The following HMGB1 variants were observed in gnomAD, a reference collection of about 807,000 sequenced individuals.
The protein encoded by HMGB1 is high mobility group protein B1.
For missense variants in HMGB1, 79 were observed against 253.5 expected (o/e 0.31, Z 4.67); for synonymous variants, 81 against 84.0 (o/e 0.96, Z 0.19).
At chr13:30,465,137 G>A in intron 1 of HMGB1, 2 of 966,858 alleles carry the variant, frequency 2.1e-6, no homozygotes, top group Non-Finnish European at 2.4e-6. Context: ...CAGCAGCGCC[G>A]GGCCCGAGTC....
At chr13:30,482,344 T>C (rs1288902420) in intron 1 of HMGB1, among the ~76,000 whole-genome samples, 2 of 152,192 alleles carry the variant, frequency 1.3e-5, no homozygotes, top group Non-Finnish European at 2.9e-5. Flanking sequence ...GAGATCAAGA[T>C]GGTAAAGACC....
chr13:30,481,636 G>C (rs764332557), intron 1 of HMGB1, among the ~76,000 whole-genome samples: 1 of 152,204 alleles, frequency 6.6e-6, no homozygotes, highest in Non-Finnish European at 1.5e-5. Context: ...GGCAAAATCA[G>C]TGGATGGGAC....
intron 1 of HMGB1, among the ~76,000 whole-genome samples, chr13:30,534,791 G>T (rs1379426113): frequency 6.6e-6 from 1 of 152,014 alleles, no homozygotes; most frequent in Non-Finnish European, 1.5e-5. Context: ...TGGCTAGGCT[G>T]GTCTTGAACT....
intron 1 of HMGB1, among the ~76,000 whole-genome samples, chr13:30,515,566 G>A (rs1593285623): frequency 6.6e-6 from 1 of 151,686 alleles, no homozygotes; most frequent in South Asian, 2.1e-4. Flanking sequence ...TTATCTTATC[G>A]CCAGTAAGGT....
chr13:30,553,017 TTAAGGCCTG>T (rs763722930), intron 1 of HMGB1, among the ~76,000 whole-genome samples: 18 of 152,148 alleles, frequency 1.2e-4, no homozygotes, highest in Non-Finnish European at 1.6e-4. Flanking sequence ...TGCAGGACAG[TTAAGGCCTG>T]TAAGCTTGCC....
Position 30,515,686 on chromosome 13 carries a change from T to TAA in HMGB1, c.-14-51994_-14-51993dup, listed in dbSNP as rs537265855. Among the ~76,000 whole-genome samples the TAA allele has an allele frequency of 4.0e-4, 46 of 114,296 alleles. No homozygotes were observed. The East Asian group carries it at 5.0e-3, about 12-fold the overall frequency. 75.0% of individuals were successfully genotyped at this position (114,296 alleles called of 152,430 possible). A position where few individuals can be genotyped will look rare whatever the true frequency, so the allele number is the denominator to read the frequency against. ...GCTCATTTTATATTTATTGAATTGC[T>TAA]AAAAAAAAAAAAAAAAGCCCACATT... On this transcript the variant is annotated intron_variant, in intron 1 of 4. Transcript: ENST00000405805.
intron 1 of HMGB1, among the ~76,000 whole-genome samples, chr13:30,573,555 T>C (rs1870520362): frequency 6.6e-6 from 1 of 151,896 alleles, no homozygotes; most frequent in Admixed American, 6.6e-5. Flanking sequence ...ATATAATTTG[T>C]AAAAAATTGG....
At chr13:30,554,657 T>G in intron 1 of HMGB1, 2 of 771,968 alleles carry the variant, frequency 2.6e-6, no homozygotes, top group South Asian at 1.3e-5. Context: ...AGGTGACCGA[T>G]GTACAGTAAA....
intron 1 of HMGB1, among the ~76,000 whole-genome samples, chr13:30,524,813 T>A (rs1310120630): frequency 6.6e-6 from 1 of 152,208 alleles, no homozygotes; most frequent in Non-Finnish European, 1.5e-5. Flanking sequence ...CTGCAGTTTA[T>A]ACACTTGAAA....
At chr13:30,582,908 T>G (rs979178651) in intron 1 of HMGB1, among the ~76,000 whole-genome samples, 13 of 152,136 alleles carry the variant, frequency 8.5e-5, no homozygotes, top group African/African-American at 2.9e-4. Flanking sequence ...CTAACACATA[T>G]CCTACTATCT....
At chr13:30,506,600 C>A (rs1038304370) in intron 1 of HMGB1, among the ~76,000 whole-genome samples, 1 of 152,176 alleles carries the variant, frequency 6.6e-6, no homozygotes, top group Non-Finnish European at 1.5e-5. Context: ...TCTCCGCGGG[C>A]ACTTTCTCTG....
intron 1 of HMGB1, among the ~76,000 whole-genome samples, chr13:30,502,608 A>G (rs1887757357): frequency 6.6e-6 from 1 of 152,002 alleles, no homozygotes; most frequent in Non-Finnish European, 1.5e-5. Context: ...GCAGTGTTGC[A>G]TTATTATCTA....
At chr13:30,502,588 TA>T (rs1234662900) in intron 1 of HMGB1, among the ~76,000 whole-genome samples, 15 of 152,222 alleles carry the variant, frequency 9.9e-5, no homozygotes, top group Non-Finnish European at 1.8e-4. Context: ...TCACATTTTT[TA>T]CTGTATTTGC....
At chr13:30,609,772 C>T (rs1260022828) in intron 1 of HMGB1, among the ~76,000 whole-genome samples, 1 of 152,156 alleles carries the variant, frequency 6.6e-6, no homozygotes, top group Non-Finnish European at 1.5e-5. Context: ...TCCCCAAAGT[C>T]CACTGTATGA....
chr13:30,599,738 G>A (rs1871779465), intron 1 of HMGB1, among the ~76,000 whole-genome samples: 1 of 152,036 alleles, frequency 6.6e-6, no homozygotes, highest in Non-Finnish European at 1.5e-5. Flanking sequence ...TTGGATTAGG[G>A]TCCACCATAA....
chr13:30,511,556 T>C (rs1197775569), intron 1 of HMGB1, among the ~76,000 whole-genome samples: 1 of 152,204 alleles, frequency 6.6e-6, no homozygotes, highest in African/African-American at 2.4e-5. Context: ...CTTTTCTTTA[T>C]AAATTACCAG....
chr13:30,580,988 T>C (rs1013452265), intron 1 of HMGB1, among the ~76,000 whole-genome samples: 4 of 152,140 alleles, frequency 2.6e-5, no homozygotes, highest in African/African-American at 9.7e-5. Context: ...TCACCTAGGC[T>C]GGAGTGCATC....
At chr13:30,580,953 C>A (rs1870873809) in intron 1 of HMGB1, among the ~76,000 whole-genome samples, 1 of 152,058 alleles carries the variant, frequency 6.6e-6, no homozygotes, top group African/African-American at 2.4e-5. Flanking sequence ...TGGGCATTTT[C>A]TTTCTGGGAC....
chr13:30,609,624 G>A (rs902975657), intron 1 of HMGB1, among the ~76,000 whole-genome samples: 2 of 152,156 alleles, frequency 1.3e-5, no homozygotes, highest in Non-Finnish European at 2.9e-5. Context: ...TTTGGGGGGT[G>A]CAGGTGGTTT....
Sources: gnomAD v4.1 joint callset for allele counts (sites outside exome capture counted in the v4.1 genomes callset) on GRCh38, gnomAD v4.1.1 for gene constraint, MANE v1.5 for transcripts, NCBI Gene and HGNC (gene_info 2026-07-23, HGNC 2026-07-21) for gene names.